The following XPOT variants were observed in gnomAD, a reference collection of about 807,000 sequenced individuals.
The protein encoded by XPOT is exportin for tRNA, also known as exportin-T.
XPOT carries 34 observed loss-of-function variants against 128.2 expected under a neutral mutation model. The observed-to-expected ratio is 0.27, with a 90% confidence interval of 0.20 to 0.35. XPOT has a LOEUF of 0.35. Among genes scored for constraint, XPOT ranks in the 10% least tolerant of loss-of-function variants. The pLI, the probability that XPOT is intolerant of heterozygous loss-of-function variation, is 1.00. For missense variants in XPOT, 838 were observed against 1,125.3 expected (o/e 0.74, Z 3.65); for synonymous variants, 348 against 394.3 (o/e 0.88, Z 1.39).
At chr12:64,430,843 G>T (rs1176969259) in intron 17 of XPOT, among the ~76,000 whole-genome samples, 6 of 152,160 alleles carry the variant, frequency 3.9e-5, no homozygotes, top group African/African-American at 1.4e-4. Flanking sequence ...AATTTAAATG[G>T]GTGGTTTGCA....
intron 24 of XPOT, among the ~76,000 whole-genome samples, chr12:64,447,856 G>A (rs1175035603): frequency 6.6e-6 from 1 of 152,162 alleles, no homozygotes; most frequent in Non-Finnish European, 1.5e-5. Flanking sequence ...GATTTCTATA[G>A]CATAGAGATA....
At chr12:64,447,463 G>C (rs1013172924) in intron 24 of XPOT, among the ~76,000 whole-genome samples, 1 of 151,892 alleles carries the variant, frequency 6.6e-6, no homozygotes, top group East Asian at 1.9e-4. Context: ...GCTTTGACTT[G>C]TTTCCTCCTC....
intron 15 of XPOT, among the ~76,000 whole-genome samples, chr12:64,427,164 G>GGCTGGA (rs1376245309): frequency 1.4e-5 from 2 of 145,138 alleles, no homozygotes; most frequent in Non-Finnish European, 3.0e-5. Context: ...TTGTTGCCCA[G>GGCTGGA]GCTGGAGTAC....
At position 64,428,113 on chromosome 12, in the gene XPOT, C is replaced by A; in HGVS notation, c.1730C>A (p.Ser577Tyr). 6.4e-7 allele frequency: 1 copy of A among 1,556,038 alleles called. No individual in the cohort carries two copies. The highest frequency in any genetic ancestry group is 8.9e-7 in the Non-Finnish European group (1 of 1,129,690). ...AGAATACAAGATTTATTAGAGCTTT[C>A]TCCACCTGTAAGTATCTGTCTCTTT... ...LNRIQDLLEL[S>Y]PPENGHQSLL... Residue 577 changes from serine (S) to tyrosine (Y), a missense_variant, in exon 16 of 25, where the codon TCT (serine) becomes TAT (tyrosine). This residue lies in a region of XPOT where 761 missense variants were observed against 988.3 expected (regional missense o/e 0.77). Coordinates refer to ENST00000332707, the MANE Select transcript of XPOT (RefSeq NM_007235.6).
At chr12:64,435,585 A>C in intron 21 of XPOT, 42 bp from the exon 22 acceptor site, 2 of 1,549,550 alleles carry the variant, frequency 1.3e-6, no homozygotes, top group Non-Finnish European at 1.8e-6. Flanking sequence ...ATCACTAAAC[A>C]AGAATTGAAT....
intron 17 of XPOT, among the ~76,000 whole-genome samples, chr12:64,430,821 G>T (rs996620957): frequency 1.3e-5 from 2 of 152,220 alleles, no homozygotes; most frequent in Admixed American, 6.6e-5. Context: ...GAATTCTGAA[G>T]ATGGTTTTCT....
intron 22 of XPOT, among the ~76,000 whole-genome samples, chr12:64,437,384 A>G (rs748057983): frequency 1.3e-5 from 2 of 152,232 alleles, no homozygotes; most frequent in Non-Finnish European, 2.9e-5. Context: ...TAAGCAAGCT[A>G]TAGGAAAGAG....
chr12:64,418,768 TG>T, intron 5 of XPOT, 107 bp from the exon 6 acceptor site: 2 of 850,330 alleles, frequency 2.4e-6, no homozygotes, highest in East Asian at 2.6e-5. Context: ...ATAGTTTATC[TG>T]GGCCATGTTG....
intron 23 of XPOT, 103 bp from the exon 24 acceptor site, chr12:64,444,972 T>TA (rs71092967): frequency 0.011 from 6,377 of 606,624 alleles, no homozygotes; most frequent in East Asian, 0.023. Context: ...GACCATCTCT[T>TA]AAAAAAAAAA....
intron 22 of XPOT, among the ~76,000 whole-genome samples, chr12:64,437,612 G>A (rs967414955): frequency 2.0e-5 from 3 of 152,202 alleles, no homozygotes; most frequent in African/African-American, 4.8e-5. Flanking sequence ...TGTGTTACAT[G>A]TGTAAAGTCA....
chr12:64,418,829 C>G lies in XPOT; in HGVS notation c.271-47C>G, dbSNP rs370525928. On this transcript the variant is annotated intron_variant, in intron 5 of 24. Coordinates refer to ENST00000332707, the MANE Select transcript of XPOT (RefSeq NM_007235.6). ...AATAAGACAACTGGTGTTTCTGGGT[C>G]TTTTCAATTTACATTTAATTTTATG... 1.2e-5 allele frequency: 19 copies of G among 1,576,294 alleles called. No homozygotes were observed. The African/African-American group carries it at 2.1e-4, about 17-fold the overall frequency.
Position 64,450,096 on chromosome 12 carries a change from GTTTATA to G in XPOT, c.*1967_*1972del, listed in dbSNP as rs959564352. On this transcript the variant is annotated 3_prime_UTR_variant, in exon 25 of 25. Coordinates refer to ENST00000332707, the MANE Select transcript of XPOT (RefSeq NM_007235.6). Reference sequence around the variant, plus strand: ...GCTGGCACATAAAGACTTGATAGTAGTTTATATGGATGCTATCTCATATTAGCATAT... The same window carrying G: ...GCTGGCACATAAAGACTTGATAGTAGTGGATGCTATCTCATATTAGCATAT... The G allele has an allele frequency of 4.6e-5, 7 of 151,944 alleles. No homozygotes were observed. Among genetic ancestry groups the G allele is most frequent in the African/African-American group, 1.7e-4 (7 of 41,342 alleles). The allele number at this position is 151,944 out of a possible 1,614,324, so 9.4% of individuals were successfully genotyped here. A position where few individuals can be genotyped will look rare whatever the true frequency, so the allele number is the denominator to read the frequency against.
intron 23 of XPOT, among the ~76,000 whole-genome samples, chr12:64,441,348 C>A (rs2040322954): frequency 6.6e-6 from 1 of 152,208 alleles, no homozygotes; most frequent in Non-Finnish European, 1.5e-5. Flanking sequence ...CATCATAGTT[C>A]ACAGCAACTA....
intron 22 of XPOT, among the ~76,000 whole-genome samples, chr12:64,438,710 CT>C (rs1227061974): frequency 1.3e-5 from 2 of 151,884 alleles, no homozygotes; most frequent in African/African-American, 4.8e-5. Context: ...TCACTGCAGC[CT>C]GCGCCTGCCA....
At chr12:64,435,542 G>A (rs2136032998) in intron 21 of XPOT, 85 bp from the exon 22 acceptor site, 1 of 1,071,146 alleles carries the variant, frequency 9.3e-7, no homozygotes, top group East Asian at 3.0e-5. Flanking sequence ...GAATTTCCCT[G>A]GCAGTGGCCA....
intron 12 of XPOT, 34 bp from the exon 13 acceptor site, chr12:64,425,004 C>G: frequency 1.9e-6 from 3 of 1,610,160 alleles, no homozygotes; most frequent in Non-Finnish European, 2.5e-6. Flanking sequence ...AAAAATTTAT[C>G]TTTAAATCTC....
intron 23 of XPOT, among the ~76,000 whole-genome samples, chr12:64,444,859 G>A (rs1012818180): frequency 6.6e-6 from 1 of 151,802 alleles, no homozygotes; most frequent in African/African-American, 2.4e-5. Flanking sequence ...TGTAATTCCA[G>A]CTTCTTGGGA....
intron 15 of XPOT, 59 bp from the exon 16 acceptor site, chr12:64,427,992 T>C (rs2040206863): frequency 8.7e-7 from 1 of 1,143,462 alleles, no homozygotes; most frequent in Non-Finnish European, 1.3e-6. Context: ...GGGAATTTGG[T>C]ATTTTAGCAC....
At position 64,428,051 on chromosome 12, in the gene XPOT, T is replaced by C. The variant is rs763906613; in HGVS notation, c.1668T>C (p.Asn556=). The C allele has an allele frequency of 3.2e-6, 5 of 1,561,340 alleles. No individual in the cohort carries two copies. The highest frequency in any genetic ancestry group is 4.4e-6 in the Non-Finnish European group (5 of 1,135,058). ...GTGATTTCCTTTTTCTGTTTTTCAG[T>C]AAGCAAATGAATCCTTTCATTGAGG... ...YLFSRFVKSL[N]KQMNPFIEDI... The change falls in exon 16 of 25, where the codon AAT becomes AAC. Residue 556 remains asparagine (N), a splice_region_variant and synonymous_variant. Coordinates refer to ENST00000332707, the MANE Select transcript of XPOT (RefSeq NM_007235.6).
Sources: gnomAD v4.1 joint callset for allele counts (sites outside exome capture counted in the v4.1 genomes callset) on GRCh38, gnomAD v4.1.1 for gene constraint, gnomAD v4.1.1 regional missense constraint, MANE v1.5 for transcripts, NCBI Gene and HGNC (gene_info 2026-07-23, HGNC 2026-07-21) for gene names.